ZBTB7A: variants seen among roughly 807,000 people sequenced by gnomAD.
ZBTB7A encodes the protein zinc finger and BTB domain-containing protein 7A.
In ZBTB7A, 7 loss-of-function variants were observed where a neutral mutation model predicts 26.7. The ratio of observed to expected loss-of-function variants is 0.26; its 90% CI spans 0.15 to 0.49. The LOEUF (loss-of-function observed/expected upper bound fraction) is 0.49. ZBTB7A is among the 20% of genes least tolerant of loss of function. The pLI, the probability that ZBTB7A is intolerant of heterozygous loss-of-function variation, is 0.98. For synonymous variants in ZBTB7A, 452 were observed against 441.0 expected, an observed-to-expected ratio of 1.02 and a Z score of -0.31; for missense variants, 617 against 919.5, an observed-to-expected ratio of 0.67 and a Z score of 4.25.
At chr19:4,055,873 C>T (rs1313516376) in intron 1 of ZBTB7A, among the ~76,000 whole-genome samples, 5 of 152,132 alleles carry the variant, frequency 3.3e-5, no homozygotes. Flanking sequence ...TCCAACCGCC[C>T]CTGCCTCCCA....
rs929564481 is a variant in ZBTB7A at position 4,046,088 on chromosome 19, A to G, written c.*1664T>C. 5.0e-6 allele frequency: 2 copies of G among 398,890 alleles called. No homozygotes were observed. The highest frequency in any genetic ancestry group is 8.8e-6 in the Non-Finnish European group (2 of 226,038). The allele number at this position is 398,890 out of a possible 1,614,324, so 24.7% of individuals were successfully genotyped here. ...CGGCTGGAAGGCCCATCCCTGAGCT[A>G]GGGAGGAGGAAGGAGAGACCCCGTG... On this transcript the variant is annotated 3_prime_UTR_variant, in exon 3 of 3. Coordinates refer to ENST00000322357, the MANE Select transcript of ZBTB7A (RefSeq NM_015898.4).
rs377202395 is a variant in ZBTB7A at position 4,043,388 on chromosome 19, TTTTG to T, written c.*4360_*4363del. ...TTTTTTGTTTTTTCATCTTTTGTGT[TTTTG>T]TTTGTTTTTTATTACTTTTAAAGCT... On this transcript the variant is annotated 3_prime_UTR_variant, in exon 3 of 3. Transcript: ENST00000322357. Among the ~76,000 whole-genome samples the T allele has an allele frequency of 2.5e-3, 379 of 151,952 alleles. 1 individual carries two copies. The highest frequency in any genetic ancestry group is 6.6e-3 in the African/African-American group (273 of 41,494).
Position 4,045,634 on chromosome 19 carries a change from G to C in ZBTB7A, c.*2118C>G, listed in dbSNP as rs2040405907. ...AGGGGGTATGGGGGGGTCGGGGGCA[G>C]GGAGACACCCCCCCGCCGGTTGGGC... On this transcript the variant is annotated 3_prime_UTR_variant, in exon 3 of 3. Coordinates refer to ENST00000322357, the MANE Select transcript of ZBTB7A (RefSeq NM_015898.4). The surrounding 1 kb of genome is among the most constrained non-coding windows in gnomAD (Gnocchi z 4.1). 1 of 353,860 alleles carries C rather than the reference G, an allele frequency of 2.8e-6. No individual in the cohort carries two copies. 21.9% of individuals were successfully genotyped at this position (353,860 alleles called of 1,614,324 possible). A position where few individuals can be genotyped will look rare whatever the true frequency, so the allele number is the denominator to read the frequency against.
intron 1 of ZBTB7A, among the ~76,000 whole-genome samples, chr19:4,056,590 C>T (rs945090670): frequency 3.3e-5 from 5 of 152,118 alleles, no homozygotes; most frequent in Non-Finnish European, 7.4e-5. Context: ...AAAAATTAGG[C>T]TGGGTGTGGT....
chr19:4,053,722 A>G lies in ZBTB7A; in HGVS notation c.1262+249T>C, dbSNP rs534731438. On this transcript the variant is annotated intron_variant, in intron 2 of 2. Coordinates refer to ENST00000322357, the MANE Select transcript of ZBTB7A (RefSeq NM_015898.4). ...CTGTGTGTGTGCATGTGTACGTGGC[A>G]TACGCGTCTGTGCATGTGTGTGCAT... Among the ~76,000 whole-genome samples the G allele has an allele frequency of 1.7e-3, 253 of 150,780 alleles. 1 individual carries two copies. Among genetic ancestry groups the G allele is most frequent in the African/African-American group, 5.7e-3 (234 of 40,956 alleles).
chr19:4,049,006 G>A (rs1421880789), intron 2 of ZBTB7A, among the ~76,000 whole-genome samples: 1 of 148,578 alleles, frequency 6.7e-6, no homozygotes, highest in African/African-American at 2.5e-5. Flanking sequence ...GGCAGGGTCT[G>A]GCTTTGTCCC....
intron 1 of ZBTB7A, among the ~76,000 whole-genome samples, chr19:4,059,861 C>T (rs1455783245): frequency 2.0e-5 from 3 of 152,194 alleles, no homozygotes; most frequent in Non-Finnish European, 2.9e-5. Flanking sequence ...AGAGCACCCC[C>T]GGCGGGGGCC....
rs1440347633 is a variant in ZBTB7A at position 4,043,326 on chromosome 19, G to A, written c.*4426C>T. Among the ~76,000 whole-genome samples, 1 of 149,988 alleles carries A rather than the reference G, an allele frequency of 6.7e-6. No homozygotes were observed. Among genetic ancestry groups the A allele is most frequent in the Non-Finnish European group, 1.5e-5 (1 of 67,478 alleles). On this transcript the variant is annotated 3_prime_UTR_variant, in exon 3 of 3. Transcript: ENST00000322357. ...GCGGTCGTAACAGGCTGCGTTTAGT[G>A]GTTCTTTTTTTTTTTTTATGTACAA...
chr19:4,065,684 T>G (rs1422185471), intron 1 of ZBTB7A: 2 of 135,450 alleles, frequency 1.5e-5, no homozygotes, highest in African/African-American at 5.3e-5. Context: ...CGGGCTCGCC[T>G]GCACCGCGCG....
At chr19:4,056,564 T>A (rs904844169) in intron 1 of ZBTB7A, among the ~76,000 whole-genome samples, 2 of 151,950 alleles carry the variant, frequency 1.3e-5, no homozygotes, top group Non-Finnish European at 2.9e-5. Context: ...TGAAACCCTG[T>A]CTCTACTAAA....
rs2040433341 is a variant in ZBTB7A at position 4,047,349 on chromosome 19, C to T, written c.*403G>A. The T allele has an allele frequency of 6.6e-6, 1 of 152,508 alleles. No homozygotes were observed. The highest frequency in any genetic ancestry group is 2.4e-5 in the African/African-American group (1 of 41,422). 9.4% of individuals were successfully genotyped at this position (152,508 alleles called of 1,614,324 possible). On this transcript the variant is annotated 3_prime_UTR_variant, in exon 3 of 3. Coordinates refer to ENST00000322357, the MANE Select transcript of ZBTB7A (RefSeq NM_015898.4). ...AGCCCACCCCAGTCCCCCCCCAGCG[C>T]CCCCACGTCTACCCTCCCCCCAGCC...
rs937076057 is a variant in ZBTB7A at position 4,052,988 on chromosome 19, G to A, written c.1262+983C>T. ...TGGCACCAGCAGACGCTTCATAAAT[G>A]TTGGCTGATTGAAGCAAATGACCCA... On this transcript the variant is annotated intron_variant, in intron 2 of 2. Coordinates refer to ENST00000322357, the MANE Select transcript of ZBTB7A (RefSeq NM_015898.4). The surrounding 1 kb of genome is among the most constrained non-coding windows in gnomAD (Gnocchi z 4.9). Among the ~76,000 whole-genome samples, 2 of 152,182 alleles carry A rather than the reference G, an allele frequency of 1.3e-5. No homozygotes were observed. The highest frequency in any genetic ancestry group is 2.9e-5 in the Non-Finnish European group (2 of 68,042).
rs758008535 is a variant in ZBTB7A, at chr19:4,054,240, C to A, written c.993G>T (p.Gly331=). 1.3e-5 allele frequency: 20 copies of A among 1,578,806 alleles called. No homozygotes were observed. Among genetic ancestry groups the A allele is most frequent in the Non-Finnish European group, 1.7e-5 (20 of 1,169,428 alleles). ...QQMMSSVGRA[G]AAAGDSDEES... is the part of the protein sequence containing the mutation. ...CCTCGTCGCTGTCCCCCGCCGCGGC[C>A]CCCGCCCGGCCCACCGATGACATCA... The change falls in exon 2 of 3, where the codon GGG becomes GGT. Residue 331 remains glycine (G), a synonymous_variant. Transcript: ENST00000322357.
intron 1 of ZBTB7A, among the ~76,000 whole-genome samples, chr19:4,058,880 T>C (rs2040611113): frequency 6.6e-6 from 1 of 152,152 alleles, no homozygotes; most frequent in South Asian, 2.1e-4. Flanking sequence ...TCCACCCGCC[T>C]TCCTTCCCTC....
At chr19:4,064,325 G>C (rs906874931) in intron 1 of ZBTB7A, among the ~76,000 whole-genome samples, 34 of 152,188 alleles carry the variant, frequency 2.2e-4, no homozygotes, top group African/African-American at 7.7e-4. Flanking sequence ...GCCGGCTCCT[G>C]CCCCCCCTTC....
Position 4,054,732 on chromosome 19 carries a change from G to A in ZBTB7A, c.501C>T (p.Asn167=). 6.4e-7 allele frequency: 1 copy of A among 1,570,620 alleles called. No individual in the cohort carries two copies. Among genetic ancestry groups the A allele is most frequent in the African/African-American group, 1.4e-5 (1 of 74,022 alleles). ...CCGCGGGGGGCAGGCTGTTCATGGG[G>A]TTGCTCTGGAAGAACTCGAGGTACT... The part of the protein sequence containing the change: ...AKEYLEFFQS[N]PMNSLPPAAA... Residue 167 remains asparagine (N), a synonymous_variant, in exon 2 of 3, where the codon AAC becomes AAT. Coordinates refer to ENST00000322357, the MANE Select transcript of ZBTB7A (RefSeq NM_015898.4).
At position 4,043,821 on chromosome 19, in the gene ZBTB7A, C is replaced by T; in HGVS notation, c.*3931G>A. On this transcript the variant is annotated 3_prime_UTR_variant, in exon 3 of 3. Transcript: ENST00000322357. ...CACCCCCAGCCTCCAGGCCCCTGACCCGTCCTGCGCCAGCCACCCACCACC... is the reference window on the plus strand; with the variant it reads ...CACCCCCAGCCTCCAGGCCCCTGACTCGTCCTGCGCCAGCCACCCACCACC... Among the ~76,000 whole-genome samples, 1 of 139,726 alleles carries T rather than the reference C, an allele frequency of 7.2e-6. No homozygotes were observed. The highest frequency in any genetic ancestry group is 7.2e-5 in the Admixed American group (1 of 13,926). 91.7% of individuals were successfully genotyped at this position (139,726 alleles called of 152,430 possible).
chr19:4,065,149 G>C (rs2040679646), intron 1 of ZBTB7A, among the ~76,000 whole-genome samples: 1 of 151,812 alleles, frequency 6.6e-6, no homozygotes, highest in Non-Finnish European at 1.5e-5. Flanking sequence ...CGTGGTGGTG[G>C]CGTCAAGGGA....
intron 1 of ZBTB7A, among the ~76,000 whole-genome samples, chr19:4,063,551 C>T (rs2040661105): frequency 1.3e-5 from 2 of 152,186 alleles, no homozygotes; most frequent in Non-Finnish European, 2.9e-5. Flanking sequence ...GCTGTGTGAC[C>T]TTGGGAGCCA....
Sources: allele counts gnomAD v4.1 joint callset (sites outside exome capture counted in the v4.1 genomes callset), GRCh38; gene constraint gnomAD v4.1.1; non-coding constraint Gnocchi (gnomAD v3.1); transcripts MANE v1.5; gene names NCBI Gene and HGNC (gene_info 2026-07-23, HGNC 2026-07-21).